PTGER3: variants seen among roughly 807,000 people sequenced by gnomAD.
PTGER3 encodes the protein prostaglandin E receptor 3.
PTGER3 carries 22 observed loss-of-function variants against 34.7 expected under a neutral mutation model. The observed-to-expected ratio is 0.63, with a 90% CI of 0.45 to 0.91. The LOEUF is 0.91. Among genes scored for constraint, PTGER3 ranks in the 40% least tolerant of loss-of-function variants. The pLI is 0.00. For synonymous variants in PTGER3, 241 were observed against 230.1 expected (o/e 1.05, Z -0.43); for missense variants, 468 against 519.4 (o/e 0.90, Z 0.96).
intron 4 of PTGER3, among the ~76,000 whole-genome samples, chr1:70,906,787 T>G (rs181393698): frequency 5.8e-4 from 89 of 152,264 alleles, no homozygotes; most frequent in South Asian, 1.5e-3. Context: ...GGGAGAGAGT[T>G]AGCATTTGAC....
At chr1:70,993,301 TC>T (rs1475121983) in intron 2 of PTGER3, among the ~76,000 whole-genome samples, 3 of 152,212 alleles carry the variant, frequency 2.0e-5, no homozygotes, top group Non-Finnish European at 4.4e-5. Context: ...AGCGCAAGAC[TC>T]CTGGGTCTTT....
At chr1:70,995,128 C>A (rs1258672966) in intron 2 of PTGER3, among the ~76,000 whole-genome samples, 3 of 152,106 alleles carry the variant, frequency 2.0e-5, no homozygotes, top group African/African-American at 7.2e-5. Flanking sequence ...CATAAGGAAA[C>A]AACTCTTAGG....
chr1:70,950,008 A>G (rs941420545), downstream of PTGER3, among the ~76,000 whole-genome samples: 15 of 152,188 alleles, frequency 9.9e-5, no homozygotes, highest in African/African-American at 3.4e-4. Flanking sequence ...AAATGTGTCA[A>G]AGTCCAGAGG....
At chr1:71,022,000 A>C (rs993359810) in intron 1 of PTGER3, among the ~76,000 whole-genome samples, 1 of 151,894 alleles carries the variant, frequency 6.6e-6, no homozygotes, top group African/African-American at 2.4e-5. Context: ...GCACAGTATA[A>C]TCCAAATTTT....
intron 4 of PTGER3, among the ~76,000 whole-genome samples, chr1:70,931,671 G>T (rs940225990): frequency 2.0e-5 from 3 of 152,154 alleles, no homozygotes; most frequent in Admixed American, 2.0e-4. Context: ...GCTGTATGTT[G>T]GCCCCTTTTA....
intron 2 of PTGER3, among the ~76,000 whole-genome samples, chr1:70,986,014 G>C (rs772421843): frequency 1.3e-5 from 2 of 152,142 alleles, no homozygotes; most frequent in Admixed American, 1.3e-4. Context: ...AGATCTTGCT[G>C]TTAAAACAGC....
intron 1 of PTGER3, among the ~76,000 whole-genome samples, chr1:71,027,628 T>G (rs918906180): frequency 6.6e-6 from 1 of 152,192 alleles, no homozygotes; most frequent in African/African-American, 2.4e-5. Context: ...GTTAAAACAA[T>G]TGGAAAATCA....
At chr1:70,865,706 G>T in intron 4 of PTGER3, 5 of 1,366,310 alleles carry the variant, frequency 3.7e-6, no homozygotes, top group Non-Finnish European at 4.9e-6. Flanking sequence ...TTTGAAGCTC[G>T]CAAGTGTTAG....
At chr1:70,853,686 A>G (rs1645732649) in intron 4 of PTGER3, among the ~76,000 whole-genome samples, 1 of 152,160 alleles carries the variant, frequency 6.6e-6, no homozygotes, top group South Asian at 2.1e-4. Flanking sequence ...AAATACTTCA[A>G]ATAAGAAAAA....
intron 2 of PTGER3, among the ~76,000 whole-genome samples, chr1:70,964,377 G>A (rs1268088318): frequency 6.6e-6 from 1 of 152,082 alleles, no homozygotes; most frequent in Non-Finnish European, 1.5e-5. Context: ...CAAAAACATA[G>A]CTAAAACGGG....
At chr1:70,901,134 A>C (rs1212687484) in intron 4 of PTGER3, among the ~76,000 whole-genome samples, 1 of 152,152 alleles carries the variant, frequency 6.6e-6, no homozygotes, top group African/African-American at 2.4e-5. Context: ...CTGAGTTTAG[A>C]GGTTTAAGTG....
At chr1:71,033,998 T>TA (rs1194864064) in intron 1 of PTGER3, among the ~76,000 whole-genome samples, 5 of 152,062 alleles carry the variant, frequency 3.3e-5, no homozygotes, top group East Asian at 1.9e-4. Context: ...CTTTAAAAAT[T>TA]AAAAAAACCT....
chr1:70,959,261 T>G (rs1164289317), intron 2 of PTGER3, among the ~76,000 whole-genome samples: 1 of 152,204 alleles, frequency 6.6e-6, no homozygotes, highest in Non-Finnish European at 1.5e-5. Flanking sequence ...TTGCATTGAA[T>G]CTGTAGATTG....
intron 2 of PTGER3, chr1:71,010,499 G>A (rs1290597138): frequency 3.0e-6 from 3 of 983,826 alleles, no homozygotes; most frequent in African/African-American, 1.8e-5. Flanking sequence ...ACCTAATCAT[G>A]CTCATGCCAC....
At chr1:70,889,043 C>T (rs904234760) in intron 4 of PTGER3, among the ~76,000 whole-genome samples, 1 of 152,122 alleles carries the variant, frequency 6.6e-6, no homozygotes, top group Non-Finnish European at 1.5e-5. Flanking sequence ...TTTCATGCCC[C>T]ATTGGCTTAG....
intron 4 of PTGER3, among the ~76,000 whole-genome samples, chr1:70,894,196 C>T (rs1410534929): frequency 6.7e-6 from 1 of 150,322 alleles, no homozygotes; most frequent in Non-Finnish European, 1.5e-5. Flanking sequence ...GTAATCCCAG[C>T]TACTTGGGAG....
In PTGER3 at chr1:71,047,334, T is replaced by C; in HGVS notation, c.244A>G (p.Ser82Gly). The change falls in exon 1 of 4, where the codon AGC becomes GGC. Residue 82 changes from serine (S) to glycine (G), a missense_variant. Ser to Gly is a moderately conservative substitution (Grantham distance 56). Coordinates refer to ENST00000306666, the MANE Select transcript of PTGER3 (RefSeq NM_198719.2). Reference sequence around the variant, plus strand: ...AGCAGGAAGGACTTCTTGCGCTTGCTCTCCCGGCGCCGGTAGCTGCGCGAC... The same window carrying C: ...AGCAGGAAGGACTTCTTGCGCTTGCCCTCCCGGCGCCGGTAGCTGCGCGAC... ...LVSRSYRRRESKRKKSFLLCI... is the reference protein window; with the variant it reads ...LVSRSYRRREGKRKKSFLLCI... 1 of 1,607,386 alleles carries C rather than the reference T, an allele frequency of 6.2e-7. No individual in the cohort carries two copies.
rs1024988058 is a variant in PTGER3, at chr1:71,008,447, G to C, written c.1077+3858C>G. 1.1e-5 allele frequency: 10 copies of C among 895,240 alleles called. No individual in the cohort carries two copies. The South Asian group carries it at 5.2e-4, about 46-fold the overall frequency. The allele number at this position is 895,240 out of a possible 1,614,324, so 55.5% of individuals were successfully genotyped here. A position where few individuals can be genotyped will look rare whatever the true frequency, so the allele number is the denominator to read the frequency against. On this transcript the variant is annotated intron_variant, in intron 2 of 3. Coordinates refer to ENST00000306666, the MANE Select transcript of PTGER3 (RefSeq NM_198719.2). ...AATCTTCATTTTAGGAATTATAAAAGGGAATATATCAAATAAAATATTTTC... is the reference window on the plus strand; with the variant it reads ...AATCTTCATTTTAGGAATTATAAAACGGAATATATCAAATAAAATATTTTC...
At chr1:70,852,624 G>C (rs1645705837) in exon 5 of PTGER3, 1 of 607,210 alleles carries the variant, frequency 1.6e-6, no homozygotes, top group Admixed American at 3.4e-5. Context: ...TAGGACATAA[G>C]TTTAATTGAT....
Sources: allele counts gnomAD v4.1 joint callset (sites outside exome capture counted in the v4.1 genomes callset), GRCh38; gene constraint gnomAD v4.1.1; transcripts MANE v1.5; gene names NCBI Gene and HGNC (gene_info 2026-07-23, HGNC 2026-07-21).